UNC5A: variants seen among roughly 807,000 people sequenced by gnomAD.
UNC5A encodes netrin receptor UNC5A.
A neutral mutation model predicts 87.4 loss-of-function variants in UNC5A; 20 were observed. That is an observed-to-expected ratio of 0.23 (90% CI 0.16 to 0.33). The LOEUF (loss-of-function observed/expected upper bound fraction) is 0.33, where lower values mean the gene tolerates loss of function less well. Ranked by LOEUF, UNC5A falls within the 10% of genes least tolerant of loss-of-function variation. UNC5A has a pLI of 1.00. For missense variants in UNC5A, 844 were observed against 1,133.4 expected, an observed-to-expected ratio of 0.74 and a Z score of 3.67; for synonymous variants, 438 against 482.3, an observed-to-expected ratio of 0.91 and a Z score of 1.20.
chr5:176,857,162 C>T (rs1383355812), intron 1 of UNC5A, among the ~76,000 whole-genome samples: 1 of 152,202 alleles, frequency 6.6e-6, no homozygotes, highest in Non-Finnish European at 1.5e-5. Context: ...GCACTTAGTC[C>T]GCCCCTTCTA....
intron 13 of UNC5A, 85 bp downstream of exon 13, chr5:176,878,724 G>A (rs1758332567): frequency 6.7e-7 from 1 of 1,501,324 alleles, no homozygotes; most frequent in East Asian, 2.4e-5. Flanking sequence ...TGCCCTGCCT[G>A]CCCTGCCACC....
rs1248050775 is a variant in UNC5A, at chr5:176,838,681, C to T, written c.71-23943C>T. 6.6e-6 allele frequency among the ~76,000 whole-genome samples: 1 copy of T among 152,216 alleles called. No individual in the cohort carries two copies. Among genetic ancestry groups the T allele is most frequent in the Non-Finnish European group, 1.5e-5 (1 of 68,042 alleles). Reference sequence around the variant, plus strand: ...GCTTCCCCAGGGCATCCCCTAACATCTCTACACTCTCCCTGTCTTGGTACT... The same window carrying T: ...GCTTCCCCAGGGCATCCCCTAACATTTCTACACTCTCCCTGTCTTGGTACT... On this transcript the variant is annotated intron_variant, in intron 1 of 14. Transcript: ENST00000329542. The surrounding 1 kb of genome is among the most constrained non-coding windows in gnomAD (Gnocchi z 4.2).
In UNC5A at chr5:176,865,675, G is replaced by A. The variant is rs1042422407; in HGVS notation, c.293-2455G>A. ...GATACCACGGCAGTGGCGCCACGCC[G>A]CCAAAGACCAAAGACCCCAAACCAG... On this transcript the variant is annotated intron_variant, in intron 2 of 14. Transcript: ENST00000329542. The surrounding 1 kb of genome is among the most constrained non-coding windows in gnomAD (Gnocchi z 5.3). 1.3e-5 allele frequency: 6 copies of A among 456,538 alleles called. No homozygotes were observed. The highest frequency in any genetic ancestry group is 1.4e-4 in the East Asian group (2 of 14,414). 28.3% of individuals were successfully genotyped at this position (456,538 alleles called of 1,614,324 possible).
In UNC5A at chr5:176,870,516, A is replaced by G; in HGVS notation, c.868A>G (p.Ser290Gly). ...GTDLDTRNCT[S>G]DLCVHTASGP... ...TGACCTGGACACCCGCAACTGTACC[A>G]GTGACCTCTGTGTACACAGTGAGTC... Residue 290 changes from serine (S) to glycine (G), a missense_variant, in exon 6 of 15, where the codon AGT becomes GGT. Transcript: ENST00000329542. The G allele has an allele frequency of 6.2e-7, 1 of 1,602,884 alleles. No individual in the cohort carries two copies. The highest frequency in any genetic ancestry group is 8.5e-7 in the Non-Finnish European group (1 of 1,172,624).
chr5:176,812,752 A>C (rs1470803766), intron 1 of UNC5A, among the ~76,000 whole-genome samples: 1 of 152,124 alleles, frequency 6.6e-6, no homozygotes, highest in Non-Finnish European at 1.5e-5. Context: ...GCCTGCCCCA[A>C]GGCATCAACT....
chr5:176,874,225 C>T lies in UNC5A; in HGVS notation c.1076-39C>T, dbSNP rs1445416564. Reference sequence around the variant, plus strand: ...GCCAAGGGCTGCTGGGGCAGGGATGCCCTAGGTGCCATTGCCTGAGTCTGT... The same window carrying T: ...GCCAAGGGCTGCTGGGGCAGGGATGTCCTAGGTGCCATTGCCTGAGTCTGT... On this transcript the variant is annotated intron_variant, in intron 7 of 14. Coordinates refer to ENST00000329542, the MANE Select transcript of UNC5A (RefSeq NM_133369.3). The surrounding 1 kb of genome is among the most constrained non-coding windows in gnomAD (Gnocchi z 7.6). The T allele has an allele frequency of 6.3e-7, 1 of 1,589,308 alleles. No individual in the cohort carries two copies. The highest frequency in any genetic ancestry group is 2.2e-5 in the East Asian group (1 of 44,518).
At chr5:176,858,772 A>AAGGAAGGCAGGC (rs1304121118) in intron 1 of UNC5A, among the ~76,000 whole-genome samples, 5 of 140,226 alleles carry the variant, frequency 3.6e-5, no homozygotes, top group African/African-American at 1.4e-4. Context: ...GGAAGGAAGG[A>AAGGAAGGCAGGC]AGGCAAGCAA....
In UNC5A at chr5:176,878,541, C is replaced by T; in HGVS notation, c.2086C>T (p.Arg696Cys). The change falls in exon 13 of 15, where the codon CGT (arginine) becomes TGT (cysteine). Residue 696 changes from arginine to cysteine, a missense_variant. Arg to Cys is a radical substitution (Grantham distance 180). Transcript: ENST00000329542. ...CTTGCACTGCACCTTCACCCTGGAG[C>T]GTGTCAGCCCCAGCACTAGTGACCT... Reference protein sequence around the residue: ...RYLHCTFTLERVSPSTSDLAC... With the variant: ...RYLHCTFTLECVSPSTSDLAC... The T allele has an allele frequency of 6.2e-7, 1 of 1,613,196 alleles. No individual in the cohort carries two copies. Among genetic ancestry groups the T allele is most frequent in the Non-Finnish European group, 8.5e-7 (1 of 1,179,982 alleles).
At position 176,838,753 on chromosome 5, in the gene UNC5A, C is replaced by G. The variant is rs1451728039; in HGVS notation, c.71-23871C>G. Among the ~76,000 whole-genome samples, 1 of 152,230 alleles carries G rather than the reference C, an allele frequency of 6.6e-6. No individual in the cohort carries two copies. Among genetic ancestry groups the G allele is most frequent in the Non-Finnish European group, 1.5e-5 (1 of 68,040 alleles). On this transcript the variant is annotated intron_variant, in intron 1 of 14. Transcript: ENST00000329542. The surrounding 1 kb of genome is among the most constrained non-coding windows in gnomAD (Gnocchi z 4.2). ...CCCTCACATCCTCACCCCACACCTT[C>G]CAGGGGAAAGATGCCTCCTCTCTTG...
rs1423262971 is a variant in UNC5A at position 176,875,912 on chromosome 5, C to G, written c.1379-1280C>G. Among the ~76,000 whole-genome samples the G allele has an allele frequency of 2.0e-5, 3 of 152,252 alleles. No individual in the cohort carries two copies. Among genetic ancestry groups the G allele is most frequent in the Non-Finnish European group, 4.4e-5 (3 of 68,054 alleles). On this transcript the variant is annotated intron_variant, in intron 8 of 14. Transcript: ENST00000329542. This position sits in a 1 kb window ranked among gnomAD's most constrained non-coding sequence, Gnocchi z 5.2. ...TGCCTCACGTCCACACGGATGATAA[C>G]GAACCCCTCATGGGGCTGTTGGGAT... is the stretch of plus-strand genomic sequence containing the variant.
intron 1 of UNC5A, among the ~76,000 whole-genome samples, chr5:176,829,612 T>C (rs1456089131): frequency 2.2e-5 from 3 of 134,756 alleles, no homozygotes; most frequent in Admixed American, 7.4e-5. Flanking sequence ...GGTGGGTGGA[T>C]GGGTGGGAGG....
chr5:176,830,102 T>C (rs1756962131), intron 1 of UNC5A, among the ~76,000 whole-genome samples: 1 of 152,140 alleles, frequency 6.6e-6, no homozygotes, highest in Admixed American at 6.5e-5. Context: ...CACAAAACTT[T>C]TACTCTTTAA....
intron 1 of UNC5A, among the ~76,000 whole-genome samples, chr5:176,851,952 C>T (rs1034339396): frequency 2.0e-5 from 3 of 152,202 alleles, no homozygotes; most frequent in African/African-American, 4.8e-5. Context: ...CTGCCATGGT[C>T]GCTGTGTGTC....
intron 1 of UNC5A, among the ~76,000 whole-genome samples, chr5:176,857,530 CAT>C (rs1347049578): frequency 6.6e-6 from 1 of 152,064 alleles, no homozygotes; most frequent in Non-Finnish European, 1.5e-5. Context: ...GCCACACACA[CAT>C]GCGCACACAC....
At chr5:176,832,159 A>C (rs1329942338) in intron 1 of UNC5A, among the ~76,000 whole-genome samples, 1 of 152,102 alleles carries the variant, frequency 6.6e-6, no homozygotes, top group Non-Finnish European at 1.5e-5. Flanking sequence ...AGCCTCCCAA[A>C]GTGCTGGGAT....
At chr5:176,877,443 G>A in intron 9 of UNC5A, 92 bp from the exon 10 acceptor site, 1 of 1,447,170 alleles carries the variant, frequency 6.9e-7, no homozygotes, top group Non-Finnish European at 9.4e-7. Context: ...CCTGGCCCCT[G>A]GGATGCTGCT....
intron 1 of UNC5A, among the ~76,000 whole-genome samples, chr5:176,861,886 C>T (rs1757849183): frequency 6.6e-6 from 1 of 152,210 alleles, no homozygotes; most frequent in Non-Finnish European, 1.5e-5. Context: ...ACCCCCACCC[C>T]ATCCTCTCAG....
chr5:176,876,354 G>A (rs1278426091), intron 8 of UNC5A, among the ~76,000 whole-genome samples: 1 of 152,198 alleles, frequency 6.6e-6, no homozygotes, highest in Non-Finnish European at 1.5e-5. Flanking sequence ...ACGAGGGAGT[G>A]TGCATTTGCT....
chr5:176,870,449 T>C lies in UNC5A; in HGVS notation c.801T>C (p.Ser267=). 1.2e-6 allele frequency: 2 copies of C among 1,612,162 alleles called. No homozygotes were observed. The highest frequency in any genetic ancestry group is 4.5e-5 in the East Asian group (2 of 44,856). The part of the protein sequence containing the change: ...DCTHWRSREC[S]DPAPRNGGEE... ...CCCACTGGCGGAGCCGTGAGTGCTC[T>C]GACCCAGCACCCCGCAACGGAGGGG... The change falls in exon 6 of 15, where the codon TCT becomes TCC. Residue 267 remains serine (S), a synonymous_variant. Transcript: ENST00000329542.
Sources: allele counts gnomAD v4.1 joint callset (sites outside exome capture counted in the v4.1 genomes callset), GRCh38; gene constraint gnomAD v4.1.1; non-coding constraint Gnocchi (gnomAD v3.1); transcripts MANE v1.5; gene names NCBI Gene and HGNC (gene_info 2026-07-23, HGNC 2026-07-21).